PMFBP1: variants seen among roughly 807,000 people sequenced by gnomAD.
PMFBP1 encodes polyamine modulated factor 1 binding protein 1.
In PMFBP1, 131 loss-of-function variants were observed where a neutral mutation model predicts 137.8. That is an observed-to-expected ratio of 0.95 (90% CI 0.82 to 1.10). PMFBP1 has a LOEUF of 1.10. Among genes scored for constraint, PMFBP1 ranks in the 50% least tolerant of loss-of-function variants. The probability of loss-of-function intolerance (pLI) is 0.00; values close to 1 mark genes in which losing one functional copy is unlikely to be tolerated. For missense variants in PMFBP1, 1,199 were observed against 1,175.4 expected, an observed-to-expected ratio of 1.02 and a Z score of -0.29; for synonymous variants, 490 against 450.4, an observed-to-expected ratio of 1.09 and a Z score of -1.11.
the PMFBP1 span, among the ~76,000 whole-genome samples, chr16:72,210,757 C>T: frequency 6.6e-6 from 1 of 152,232 alleles, no homozygotes; most frequent in African/African-American, 2.4e-5. Context: ...GCTACTGGGT[C>T]ACCAGTGGTT....
intron 3 of PMFBP1, among the ~76,000 whole-genome samples, chr16:72,163,570 A>G (rs1446166193): frequency 6.6e-6 from 1 of 152,218 alleles, no homozygotes; most frequent in African/African-American, 2.4e-5. Flanking sequence ...AGGGTCAAGT[A>G]GTAGTTGATG....
At chr16:72,128,217 C>T (rs1246980739) in intron 14 of PMFBP1, among the ~76,000 whole-genome samples, 1 of 152,214 alleles carries the variant, frequency 6.6e-6, no homozygotes, top group African/African-American at 2.4e-5. Flanking sequence ...TGAATTCAAG[C>T]ACAGTGCTTA....
the PMFBP1 span, among the ~76,000 whole-genome samples, chr16:72,246,422 G>A: frequency 6.6e-6 from 1 of 152,060 alleles, no homozygotes; most frequent in Non-Finnish European, 1.5e-5. Context: ...AGCGCCATAT[G>A]ACAAATTCCA....
chr16:72,179,639 A>C (rs1272619723), upstream of PMFBP1, among the ~76,000 whole-genome samples: 1 of 152,216 alleles, frequency 6.6e-6, no homozygotes, highest in Non-Finnish European at 1.5e-5. Context: ...AAAATGACAA[A>C]CAAAAGAGAT....
chr16:72,134,899 G>T (rs536861396), intron 9 of PMFBP1, among the ~76,000 whole-genome samples: 1 of 152,224 alleles, frequency 6.6e-6, no homozygotes, highest in South Asian at 2.1e-4. Context: ...TATTAATTTT[G>T]TTTACCGGCT....
At chr16:72,213,201 G>GA in the PMFBP1 span, among the ~76,000 whole-genome samples, 11 of 151,256 alleles carry the variant, frequency 7.3e-5, no homozygotes, top group Non-Finnish European at 1.2e-4. Flanking sequence ...AGAGCCCGGG[G>GA]GGGGGTGGGG....
intron 10 of PMFBP1, among the ~76,000 whole-genome samples, 184 bp downstream of exon 10, chr16:72,132,564 T>C (rs1307433999): frequency 6.6e-6 from 1 of 151,842 alleles, no homozygotes. Flanking sequence ...TGGGAGTGGG[T>C]GAAGGAATTC....
chr16:72,137,479 A>C (rs145703006), intron 7 of PMFBP1, among the ~76,000 whole-genome samples: 1 of 152,274 alleles, frequency 6.6e-6, no homozygotes, highest in Non-Finnish European at 1.5e-5. Context: ...TGCAATTTTA[A>C]GTAGGAGGAT....
chr16:72,164,370 C>A, intron 3 of PMFBP1: 1 of 1,280,490 alleles, frequency 7.8e-7, no homozygotes, highest in Non-Finnish European at 1.0e-6. Context: ...GACACTGATA[C>A]CTTAGAGCAG....
the PMFBP1 span, among the ~76,000 whole-genome samples, chr16:72,190,456 G>C: frequency 6.6e-6 from 1 of 152,192 alleles, no homozygotes. Context: ...AGGGTGGGTA[G>C]AACAGAGGAC....
chr16:72,242,263 C>T, the PMFBP1 span, among the ~76,000 whole-genome samples: 2 of 152,178 alleles, frequency 1.3e-5, no homozygotes, highest in African/African-American at 4.8e-5. Context: ...GATTACAGAG[C>T]CCATCAAAAA....
the PMFBP1 span, among the ~76,000 whole-genome samples, chr16:72,219,431 C>T: frequency 6.6e-5 from 10 of 152,194 alleles, no homozygotes; most frequent in Admixed American, 2.6e-4. Flanking sequence ...CCCAGGAGCG[C>T]GTGGACAGGT....
the PMFBP1 span, among the ~76,000 whole-genome samples, chr16:72,221,291 G>A: frequency 6.6e-6 from 1 of 152,132 alleles, no homozygotes; most frequent in East Asian, 1.9e-4. Context: ...TCATTAAGAT[G>A]TTTCCAAGAA....
chr16:72,211,471 C>T, the PMFBP1 span, among the ~76,000 whole-genome samples: 1 of 152,130 alleles, frequency 6.6e-6, no homozygotes, highest in African/African-American at 2.4e-5. Flanking sequence ...AGAAAATGCT[C>T]CCTGTTTAGA....
intron 3 of PMFBP1, among the ~76,000 whole-genome samples, chr16:72,157,479 G>A (rs2043000491): frequency 6.6e-6 from 1 of 152,150 alleles, no homozygotes; most frequent in South Asian, 2.1e-4. Context: ...GGCCTTGGAG[G>A]TGGAAGCATG....
chr16:72,159,917 G>T (rs868282791), intron 3 of PMFBP1, among the ~76,000 whole-genome samples: 2 of 151,982 alleles, frequency 1.3e-5, no homozygotes, highest in Admixed American at 6.6e-5. Flanking sequence ...TTTTACAGAG[G>T]TAAGACTAGT....
the PMFBP1 span, among the ~76,000 whole-genome samples, chr16:72,193,174 G>A: frequency 2.6e-4 from 40 of 152,056 alleles, no homozygotes; most frequent in African/African-American, 9.6e-4. Flanking sequence ...ATCACTTGAG[G>A]CCAGGAGCTC....
intron 5 of PMFBP1, among the ~76,000 whole-genome samples, chr16:72,145,250 T>A (rs940339791): frequency 1.3e-5 from 2 of 152,164 alleles, no homozygotes; most frequent in African/African-American, 2.4e-5. Flanking sequence ...CACAACTGCA[T>A]GGAAACTGAA....
At chr16:72,228,297 G>A in the PMFBP1 span, among the ~76,000 whole-genome samples, 3 of 152,146 alleles carry the variant, frequency 2.0e-5, no homozygotes, top group East Asian at 1.9e-4. Flanking sequence ...TCTGAGTATC[G>A]TGTACGATAC....
Sources: allele counts gnomAD v4.1 joint callset (sites outside exome capture counted in the v4.1 genomes callset), GRCh38; gene constraint gnomAD v4.1.1; transcripts MANE v1.5; gene names NCBI Gene and HGNC (gene_info 2026-07-23, HGNC 2026-07-21).